Variants in CASP4 observed in about 807,000 individuals in gnomAD.
The protein encoded by CASP4 is caspase 4, also known as caspase-4.
A neutral mutation model predicts 41.3 loss-of-function variants in CASP4; 29 were observed. That is an observed-to-expected ratio of 0.70 (90% CI 0.52 to 0.96). CASP4 has a LOEUF of 0.96. Ranked by LOEUF, CASP4 falls within the 40% of genes least tolerant of loss-of-function variation. The pLI, the probability that CASP4 is intolerant of heterozygous loss-of-function variation, is 0.00. For synonymous variants in CASP4, 185 were observed against 158.4 expected, an observed-to-expected ratio of 1.17 and a Z score of -1.26; for missense variants, 447 against 460.6, an observed-to-expected ratio of 0.97 and a Z score of 0.27.
intron 1 of CASP4, among the ~76,000 whole-genome samples, chr11:104,961,797 G>T (rs575484396): frequency 1.3e-5 from 2 of 152,292 alleles, no homozygotes; most frequent in Admixed American, 6.5e-5. Context: ...AGGAATTGCT[G>T]AAGGAAGTCC....
rs540739358 is a variant in CASP4, at chr11:104,962,004, G to C, written c.7+6515C>G. On this transcript the variant is annotated intron_variant, in intron 1 of 8. Coordinates refer to ENST00000444739, the MANE Select transcript of CASP4 (RefSeq NM_001225.4). ...CAGGGACGAACAGAAAAAAGTCTGA[G>C]CTTTGCCAGGTTGATATTGGGTGCT... is the stretch of plus-strand genomic sequence containing the variant. 2.6e-5 allele frequency among the ~76,000 whole-genome samples: 4 copies of C among 152,180 alleles called. 1 individual carries two copies. Among genetic ancestry groups the C allele is most frequent in the Non-Finnish European group, 5.9e-5 (4 of 68,036 alleles).
At chr11:104,961,576 T>A (rs1400057912) in intron 1 of CASP4, among the ~76,000 whole-genome samples, 1 of 152,188 alleles carries the variant, frequency 6.6e-6, no homozygotes, top group East Asian at 1.9e-4. Context: ...TCGGCTCCAC[T>A]GGGGTCTTGG....
intron 8 of CASP4, 41 bp from the exon 9 acceptor site, chr11:104,943,014 C>A: frequency 2.2e-6 from 1 of 453,884 alleles, no homozygotes. Context: ...GATGGTTACC[C>A]CTTGCTGCCT....
chr11:104,952,504 A>G (rs897761807), intron 2 of CASP4, among the ~76,000 whole-genome samples: 1 of 152,152 alleles, frequency 6.6e-6, no homozygotes, highest in African/African-American at 2.4e-5. Flanking sequence ...TTAACATAAC[A>G]TACAAAAAGT....
At chr11:104,966,588 A>G (rs7104993) in intron 1 of CASP4, among the ~76,000 whole-genome samples, 15,329 of 152,204 alleles carry the variant, frequency 0.1, 1,347 homozygotes, top group African/African-American at 0.23. Flanking sequence ...GTCCCCTGGA[A>G]AACTAGGAGC....
chr11:104,960,304 C>CTCTGTCTA (rs752263850), intron 1 of CASP4, among the ~76,000 whole-genome samples: 2 of 152,020 alleles, frequency 1.3e-5, no homozygotes, highest in Non-Finnish European at 2.9e-5. Context: ...TTGAACTGTT[C>CTCTGTCTA]TCTGTCTATC....
chr11:104,951,946 G>A lies in CASP4; in HGVS notation c.322C>T (p.Leu108Phe), dbSNP rs777226856. The change falls in exon 3 of 9, where the codon CTT becomes TTT. Residue 108 changes from leucine to phenylalanine, a missense_variant. Transcript: ENST00000444739. ...CTCAGGAATTCTTCATGAGGACAAAGCTTGAGGGCATCTGTAGATTCTCCT... is the reference window on the plus strand; with the variant it reads ...CTCAGGAATTCTTCATGAGGACAAAACTTGAGGGCATCTGTAGATTCTCCT... ...ESGESTDALKLCPHEEFLRLC... is the reference protein window; with the variant it reads ...ESGESTDALKFCPHEEFLRLC... The A allele has an allele frequency of 3.7e-6, 6 of 1,612,940 alleles. No homozygotes were observed. The highest frequency in any genetic ancestry group is 5.1e-6 in the Non-Finnish European group (6 of 1,179,406).
intron 1 of CASP4, among the ~76,000 whole-genome samples, chr11:104,964,887 A>G (rs1860938624): frequency 6.6e-6 from 1 of 152,328 alleles, no homozygotes; most frequent in Middle Eastern, 3.4e-3. Context: ...ATCAAAGCCA[A>G]TTTAAACAAA....
chr11:104,952,164 T>C, intron 2 of CASP4, 159 bp from the exon 3 acceptor site: 1 of 567,104 alleles, frequency 1.8e-6, no homozygotes, highest in South Asian at 2.3e-5. Flanking sequence ...AGATGTATTG[T>C]TACTGGAAAA....
At chr11:104,956,325 T>C (rs1012570271) in intron 1 of CASP4, among the ~76,000 whole-genome samples, 1 of 152,096 alleles carries the variant, frequency 6.6e-6, no homozygotes, top group Admixed American at 6.6e-5. Flanking sequence ...TCTTGTTTTT[T>C]TCACCATAGT....
rs577362238 is a variant in CASP4 at position 104,946,754 on chromosome 11, C to T, written c.1035+329G>A. On this transcript the variant is annotated intron_variant, in intron 7 of 8. Coordinates refer to ENST00000444739, the MANE Select transcript of CASP4 (RefSeq NM_001225.4). Reference sequence around the variant, plus strand: ...ACCCCTCTGTCACCAGGAGGAAATCCATGACCTAGCAGACCACCCAGATTT... The same window carrying T: ...ACCCCTCTGTCACCAGGAGGAAATCTATGACCTAGCAGACCACCCAGATTT... 351 of 175,522 alleles carry T rather than the reference C, an allele frequency of 2.0e-3. 8 individuals carry two copies. In the South Asian group the frequency reaches 0.039, roughly 20 times the overall value. The allele number at this position is 175,522 out of a possible 1,614,324, so 10.9% of individuals were successfully genotyped here. A position where few individuals can be genotyped will look rare whatever the true frequency, so the allele number is the denominator to read the frequency against.
chr11:104,948,621 A>C lies in CASP4; in HGVS notation c.837T>G (p.Ser279=). The C allele has an allele frequency of 6.2e-7, 1 of 1,611,354 alleles. No homozygotes were observed. Among genetic ancestry groups the C allele is most frequent in the Non-Finnish European group, 8.5e-7 (1 of 1,178,338 alleles). ...CCTCTAGGTTCTCAGATGACTGTGA[A>C]GAGGCCACTTCCAAGGATGCTGGAG... The part of the protein sequence containing the change: ...RDSPASLEVA[S]SQSSENLEED... The change falls in exon 6 of 9, where the codon TCT becomes TCG. Residue 279 remains serine, a synonymous_variant. Coordinates refer to ENST00000444739, the MANE Select transcript of CASP4 (RefSeq NM_001225.4).
intron 1 of CASP4, among the ~76,000 whole-genome samples, chr11:104,966,107 C>G (rs955340398): frequency 1.3e-5 from 2 of 152,192 alleles, no homozygotes; most frequent in Admixed American, 6.5e-5. Flanking sequence ...ACTACCCTCT[C>G]CAGAACAGCC....
intron 6 of CASP4, 24 bp from the exon 7 acceptor site, chr11:104,947,216 C>G: frequency 7.3e-7 from 1 of 1,372,522 alleles, no homozygotes; most frequent in African/African-American, 1.4e-5. Flanking sequence ...GATGGGTATG[C>G]CTTGGGCTAT....
Position 104,948,661 on chromosome 11 carries a change from A to G in CASP4, c.797T>C (p.Leu266Pro), listed in dbSNP as rs1860524748. The G allele has an allele frequency of 6.2e-7, 1 of 1,605,156 alleles. No homozygotes were observed. ...GGATGCTGGAGAGTCTCTGACCCAC[A>G]GTTCCCCACGGTTTGCTATGGAGAC... Reference protein sequence around the residue: ...QACRGANRGELWVRDSPASLE... With the variant: ...QACRGANRGEPWVRDSPASLE... Residue 266 changes from leucine to proline, a missense_variant, in exon 6 of 9, where the codon CTG (leucine) becomes CCG (proline). By Grantham distance (98) the Leu-to-Pro change is moderately conservative. Coordinates refer to ENST00000444739, the MANE Select transcript of CASP4 (RefSeq NM_001225.4).
chr11:104,956,634 C>A (rs546828991), intron 1 of CASP4: 17 of 984,660 alleles, frequency 1.7e-5, no homozygotes, highest in African/African-American at 1.6e-4. Flanking sequence ...AGAATGTAGA[C>A]AAGATATTTA....
chr11:104,965,890 C>T (rs1236770165), intron 1 of CASP4, among the ~76,000 whole-genome samples: 1 of 152,128 alleles, frequency 6.6e-6, no homozygotes, highest in Admixed American at 6.5e-5. Context: ...TCAGCTGACA[C>T]CACCCAAACC....
At chr11:104,953,494 G>C (rs1016900054) in intron 2 of CASP4, among the ~76,000 whole-genome samples, 3 of 152,044 alleles carry the variant, frequency 2.0e-5, no homozygotes, top group Non-Finnish European at 2.9e-5. Context: ...ATGCCATCCA[G>C]GTTTGAGAAA....
At chr11:104,964,131 A>G (rs1171952611) in intron 1 of CASP4, among the ~76,000 whole-genome samples, 1 of 152,230 alleles carries the variant, frequency 6.6e-6, no homozygotes, top group Non-Finnish European at 1.5e-5. Flanking sequence ...AGTCAATTAT[A>G]GCTTTAATAG....
Sources: gnomAD v4.1 joint callset for allele counts (sites outside exome capture counted in the v4.1 genomes callset) on GRCh38, gnomAD v4.1.1 for gene constraint, MANE v1.5 for transcripts, NCBI Gene and HGNC (gene_info 2026-07-23, HGNC 2026-07-21) for gene names.